Variants in AKAIN1 observed in about 807,000 individuals in gnomAD.
The protein encoded by AKAIN1 is A-kinase anchor protein inhibitor 1.
AKAIN1 carries 3 observed loss-of-function variants against 3.7 expected under a neutral mutation model. That is an observed-to-expected ratio of 0.82 (90% confidence interval 0.37 to 2.12). The LOEUF is 2.12. Ranked by LOEUF, AKAIN1 falls within the 30% of genes most tolerant of loss-of-function variation. The pLI is 0.06. For synonymous variants in AKAIN1, 31 were observed against 30.8 expected, an observed-to-expected ratio of 1.01 and a Z score of -0.02; for missense variants, 82 against 82.7, an observed-to-expected ratio of 0.99 and a Z score of 0.03.
At chr18:5,175,272 T>A (rs1297904171) in intron 1 of AKAIN1, among the ~76,000 whole-genome samples, 1 of 152,006 alleles carries the variant, frequency 6.6e-6, no homozygotes, top group Non-Finnish European at 1.5e-5. Flanking sequence ...TGCATGTGAG[T>A]TCAGTGAGAC....
intron 1 of AKAIN1, among the ~76,000 whole-genome samples, chr18:5,183,888 A>G (rs1360322294): frequency 6.6e-6 from 1 of 152,090 alleles, no homozygotes; most frequent in African/African-American, 2.4e-5. Flanking sequence ...TTCACAACCA[A>G]TAGTACTGTA....
At chr18:5,167,324 T>C (rs1201455743) in intron 1 of AKAIN1, among the ~76,000 whole-genome samples, 1 of 152,086 alleles carries the variant, frequency 6.6e-6, no homozygotes, top group Non-Finnish European at 1.5e-5. Context: ...CTTCCTTTCA[T>C]ATCTCTTCCG....
chr18:5,163,752 GA>G (rs2071152610), intron 1 of AKAIN1: 1 of 152,062 alleles, frequency 6.6e-6, no homozygotes, highest in African/African-American at 2.4e-5. Flanking sequence ...CAAGAAGTAA[GA>G]AAAAATCAGA....
chr18:5,194,102 C>T (rs142872324), intron 1 of AKAIN1, among the ~76,000 whole-genome samples: 36 of 152,202 alleles, frequency 2.4e-4, no homozygotes, highest in African/African-American at 8.2e-4. Flanking sequence ...ATATATGGTA[C>T]TTACACAGAA....
At chr18:5,174,145 C>T (rs1439409849) in intron 1 of AKAIN1, among the ~76,000 whole-genome samples, 4 of 152,226 alleles carry the variant, frequency 2.6e-5, no homozygotes, top group South Asian at 2.1e-4. Context: ...AGTCATGCTG[C>T]GGACTCAATG....
At chr18:5,183,321 A>G (rs2071269665) in intron 1 of AKAIN1, among the ~76,000 whole-genome samples, 2 of 152,088 alleles carry the variant, frequency 1.3e-5, no homozygotes, top group Admixed American at 6.6e-5. Context: ...CAGACAAAGG[A>G]TAGGAAATTA....
At chr18:5,187,539 C>A (rs1452093355) in intron 1 of AKAIN1, among the ~76,000 whole-genome samples, 1 of 152,094 alleles carries the variant, frequency 6.6e-6, no homozygotes, top group East Asian at 1.9e-4. Context: ...AGAAATGGAG[C>A]CAAACTTATT....
upstream of AKAIN1, chr18:5,197,398 AAGAGAG>A: frequency 7.9e-7 from 1 of 1,263,408 alleles, no homozygotes; most frequent in Non-Finnish European, 9.9e-7. The surrounding 1 kb of genome is among the most constrained non-coding windows in gnomAD (Gnocchi z 6.9). Flanking sequence ...TCGGAAGAGC[AAGAGAG>A]AGAAAGGTAA....
intron 1 of AKAIN1, among the ~76,000 whole-genome samples, chr18:5,194,358 A>C (rs1408990137): frequency 6.6e-6 from 1 of 152,226 alleles, no homozygotes; most frequent in Non-Finnish European, 1.5e-5. Flanking sequence ...CCTCATGCAA[A>C]CTGAAAAACA....
At chr18:5,157,230 C>A (rs1198354991) in intron 1 of AKAIN1, among the ~76,000 whole-genome samples, 1 of 152,166 alleles carries the variant, frequency 6.6e-6, no homozygotes, top group Non-Finnish European at 1.5e-5. Flanking sequence ...TCCATGACAC[C>A]TTCCTGCTGC....
In AKAIN1 at chr18:5,145,304, G is replaced by T; in HGVS notation, c.*258C>A. On this transcript the variant is annotated 3_prime_UTR_variant, in exon 2 of 2. Coordinates refer to ENST00000434239, the MANE Select transcript of AKAIN1 (RefSeq NM_001145194.2). Reference sequence around the variant, plus strand: ...AATAAAAGAACTTTAAAAATAAATTGGCCTGCAAAACTACTTTTGCAATTA... The same window carrying T: ...AATAAAAGAACTTTAAAAATAAATTTGCCTGCAAAACTACTTTTGCAATTA... The T allele has an allele frequency of 2.9e-6, 1 of 343,424 alleles. No individual in the cohort carries two copies. Among genetic ancestry groups the T allele is most frequent in the Non-Finnish European group, 5.3e-6 (1 of 189,698 alleles). 21.3% of individuals were successfully genotyped at this position (343,424 alleles called of 1,614,324 possible).
chr18:5,169,663 G>T (rs1189141156), intron 1 of AKAIN1, among the ~76,000 whole-genome samples: 1 of 152,020 alleles, frequency 6.6e-6, no homozygotes, highest in East Asian at 1.9e-4. Context: ...TCTCCTCTGA[G>T]GTCTCTCTTA....
chr18:5,149,643 A>G (rs1490553496), intron 1 of AKAIN1, among the ~76,000 whole-genome samples: 2 of 152,126 alleles, frequency 1.3e-5, no homozygotes, highest in Non-Finnish European at 2.9e-5. Context: ...CATATTCACG[A>G]CGTGCATTGC....
chr18:5,151,876 C>G (rs954451655), intron 1 of AKAIN1, among the ~76,000 whole-genome samples: 1 of 152,198 alleles, frequency 6.6e-6, no homozygotes, highest in Non-Finnish European at 1.5e-5. Flanking sequence ...TACATATATT[C>G]ATTCATAAAA....
At chr18:5,197,309 C>A, upstream of AKAIN1, 1 of 1,337,012 alleles carries the variant, frequency 7.5e-7, no homozygotes. The surrounding 1 kb of genome is among the most constrained non-coding windows in gnomAD (Gnocchi z 6.9). Context: ...TCAGTCCATC[C>A]CTCATTCCTG....
At chr18:5,153,886 G>A (rs995430457) in intron 1 of AKAIN1, among the ~76,000 whole-genome samples, 4 of 151,828 alleles carry the variant, frequency 2.6e-5, no homozygotes, top group Non-Finnish European at 5.9e-5. Context: ...AAAGGGGGAG[G>A]CTGTGAATGT....
At chr18:5,191,913 G>A (rs144618329) in intron 1 of AKAIN1, among the ~76,000 whole-genome samples, 32 of 152,088 alleles carry the variant, frequency 2.1e-4, no homozygotes, top group African/African-American at 5.1e-4. Context: ...TAGCCTATAC[G>A]CATATATTTC....
chr18:5,167,851 C>A (rs56971261), intron 1 of AKAIN1, among the ~76,000 whole-genome samples: 52 of 152,170 alleles, frequency 3.4e-4, no homozygotes, highest in Admixed American at 7.2e-4. Flanking sequence ...GCTGCTGCTG[C>A]AATAGCTAAT....
intron 1 of AKAIN1, among the ~76,000 whole-genome samples, chr18:5,185,419 T>A (rs2143025903): frequency 6.6e-6 from 1 of 152,200 alleles, no homozygotes; most frequent in Middle Eastern, 3.4e-3. Context: ...ACCTACAAAA[T>A]GGTAGAAAAA....
Sources: allele counts gnomAD v4.1 joint callset (sites outside exome capture counted in the v4.1 genomes callset), GRCh38; gene constraint gnomAD v4.1.1; non-coding constraint Gnocchi (gnomAD v3.1); transcripts MANE v1.5; gene names NCBI Gene and HGNC (gene_info 2026-07-23, HGNC 2026-07-21).